Variants in SNX9 observed in about 807,000 individuals in gnomAD.
The protein encoded by SNX9 is sorting nexin 9.
A neutral mutation model predicts 89.4 loss-of-function variants in SNX9; 44 were observed. The ratio of observed to expected loss-of-function variants is 0.49; its 90% CI spans 0.39 to 0.63. The LOEUF (loss-of-function observed/expected upper bound fraction) is 0.63, where lower values mean the gene tolerates loss of function less well. SNX9 is among the 30% of genes least tolerant of loss of function. The pLI is 0.00. For missense variants in SNX9, 578 were observed against 736.1 expected (o/e 0.79, Z 2.49); for synonymous variants, 236 against 247.8 (o/e 0.95, Z 0.45).
intron 4 of SNX9, among the ~76,000 whole-genome samples, chr6:157,877,380 C>T (rs1055438438): frequency 3.3e-5 from 5 of 152,040 alleles, no homozygotes; most frequent in African/African-American, 4.8e-5. Flanking sequence ...AAAGCATAGC[C>T]GTCATTAATT....
At chr6:157,940,203 C>T (rs899286273) in intron 16 of SNX9, among the ~76,000 whole-genome samples, 4 of 152,196 alleles carry the variant, frequency 2.6e-5, no homozygotes, top group Admixed American at 2.0e-4. Context: ...GGGCAGGGAC[C>T]CCAGCTGCCT....
intron 4 of SNX9, among the ~76,000 whole-genome samples, chr6:157,878,265 G>T (rs1027274357): frequency 2.0e-5 from 3 of 152,192 alleles, no homozygotes; most frequent in African/African-American, 7.2e-5. Flanking sequence ...AGTTCAGCTT[G>T]GCTGCAGTTT....
At position 157,832,016 on chromosome 6, in the gene SNX9, T is replaced by C. The variant is rs191616485; in HGVS notation, c.12+8570T>C. Reference sequence around the variant, plus strand: ...TGTCAAACTGTGGGCATTTCAAAACTTTCCAATTGATATTTCTTTGTCATT... The same window carrying C: ...TGTCAAACTGTGGGCATTTCAAAACCTTCCAATTGATATTTCTTTGTCATT... On this transcript the variant is annotated intron_variant, in intron 1 of 17. Coordinates refer to ENST00000392185, the MANE Select transcript of SNX9 (RefSeq NM_016224.5). Among the ~76,000 whole-genome samples, 464 of 152,358 alleles carry C rather than the reference T, an allele frequency of 3.0e-3. 6 individuals carry two copies. Among genetic ancestry groups the C allele is most frequent in the Non-Finnish European group, 1.9e-3 (127 of 68,026 alleles).
intron 4 of SNX9, among the ~76,000 whole-genome samples, chr6:157,891,027 C>CTTTTTTTTTTT (rs67186551): frequency 8.7e-6 from 1 of 114,940 alleles, no homozygotes; most frequent in Non-Finnish European, 1.8e-5. Flanking sequence ...TTTTCTTTCT[C>CTTTTTTTTTTT]TTTTTTTTTT....
At chr6:157,885,715 C>G (rs928799645) in intron 4 of SNX9, among the ~76,000 whole-genome samples, 3 of 152,116 alleles carry the variant, frequency 2.0e-5, no homozygotes, top group African/African-American at 7.2e-5. Flanking sequence ...GATAGGCGGA[C>G]CCCTGAATGC....
intron 1 of SNX9, among the ~76,000 whole-genome samples, chr6:157,848,732 T>A (rs886550646): frequency 1.3e-5 from 2 of 152,168 alleles, no homozygotes; most frequent in Non-Finnish European, 2.9e-5. Flanking sequence ...GCTTACAGTT[T>A]AGAGAATGCA....
chr6:157,826,502 GAAAA>G (rs760974913), intron 1 of SNX9, among the ~76,000 whole-genome samples: 5 of 78,036 alleles, frequency 6.4e-5, no homozygotes, highest in Non-Finnish European at 1.1e-4. Flanking sequence ...TCCATCTCAA[GAAAA>G]AAAAAAAAAA....
chr6:157,938,852 TG>T lies in SNX9; in HGVS notation c.1648+106del, dbSNP rs1315328015. The T allele has an allele frequency of 4.0e-6, 3 of 745,742 alleles. No homozygotes were observed. The African/African-American group carries it at 5.3e-5, about 13-fold the overall frequency. 46.2% of individuals were successfully genotyped at this position (745,742 alleles called of 1,614,324 possible). A position where few individuals can be genotyped will look rare whatever the true frequency, so the allele number is the denominator to read the frequency against. On this transcript the variant is annotated intron_variant, in intron 16 of 17. Transcript: ENST00000392185. ...CAGATGTGAGCAGCAGTTAAGTAAG[TG>T]AGACCTTTTAAGCCCCTCGTTTGCA...
intron 4 of SNX9, among the ~76,000 whole-genome samples, chr6:157,880,368 CCTCT>C (rs1233578054): frequency 6.6e-6 from 1 of 152,170 alleles, no homozygotes; most frequent in East Asian, 1.9e-4. Context: ...TGTGTTCCAG[CCTCT>C]CTCACTATTC....
chr6:157,867,425 A>G (rs1216559036), intron 1 of SNX9, 122 bp from the exon 2 acceptor site: 4 of 706,496 alleles, frequency 5.7e-6, no homozygotes, highest in Non-Finnish European at 9.5e-6. Flanking sequence ...CTTTCTTCCA[A>G]AACAGCCACA....
intron 13 of SNX9, chr6:157,934,323 AG>A (rs1454027637): frequency 3.1e-4 from 47 of 152,214 alleles, no homozygotes; most frequent in African/African-American, 1.1e-3. Context: ...GGAGAGAGAG[AG>A]ATGGAAGGTA....
At chr6:157,932,802 G>A (rs1361521793) in intron 13 of SNX9, among the ~76,000 whole-genome samples, 3 of 149,752 alleles carry the variant, frequency 2.0e-5, no homozygotes, top group Admixed American at 6.7e-5. Flanking sequence ...GGGAGGCAGA[G>A]GTTGCACTGA....
chr6:157,835,910 A>C (rs1171250857), intron 1 of SNX9, among the ~76,000 whole-genome samples: 1 of 152,112 alleles, frequency 6.6e-6, no homozygotes, highest in African/African-American at 2.4e-5. Flanking sequence ...CCACAGGCAT[A>C]CACCACCATG....
intron 9 of SNX9, among the ~76,000 whole-genome samples, chr6:157,915,651 A>G (rs1273082206): frequency 7.6e-6 from 1 of 130,856 alleles, no homozygotes; most frequent in Non-Finnish European, 1.6e-5. Flanking sequence ...ATATATATAT[A>G]TATATACACA....
At chr6:157,942,270 A>T (rs1334974830) in intron 17 of SNX9, among the ~76,000 whole-genome samples, 1 of 152,236 alleles carries the variant, frequency 6.6e-6, no homozygotes, top group Non-Finnish European at 1.5e-5. Flanking sequence ...GATGTTTAGC[A>T]TCCAGGGATG....
chr6:157,909,945 TTGAC>T lies in SNX9; in HGVS notation c.872_875del (p.Asp291GlyfsTer44). 6.2e-7 allele frequency: 1 copy of T among 1,614,170 alleles called. No individual in the cohort carries two copies. Among genetic ancestry groups the T allele is most frequent in the Non-Finnish European group, 8.5e-7 (1 of 1,180,014 alleles). On this transcript the variant is annotated frameshift_variant, in exon 9 of 18. Coordinates refer to ENST00000392185, the MANE Select transcript of SNX9 (RefSeq NM_016224.5). LOFTEE classifies it high-confidence loss of function. ...TCTGTAAACCACAGGTATAAGCACT[TTGAC>T]TGGTTATATGAGCGTCTCCTGGTTA...
intron 4 of SNX9, among the ~76,000 whole-genome samples, chr6:157,888,392 A>G (rs1782780771): frequency 6.6e-6 from 1 of 152,218 alleles, no homozygotes; most frequent in African/African-American, 2.4e-5. Context: ...TAGAAAATAT[A>G]ATGCATTGAA....
At chr6:157,892,080 A>G (rs183782036) in intron 4 of SNX9, among the ~76,000 whole-genome samples, 99 of 152,204 alleles carry the variant, frequency 6.5e-4, no homozygotes, top group African/African-American at 2.3e-3. Context: ...GGGAAGAGAA[A>G]GAGGATGAAG....
At position 157,921,535 on chromosome 6, in the gene SNX9, C is replaced by T; in HGVS notation, c.954C>T (p.Arg318=). The T allele has an allele frequency of 4.3e-6, 7 of 1,612,760 alleles. No homozygotes were observed. The highest frequency in any genetic ancestry group is 4.2e-6 in the Non-Finnish European group (5 of 1,179,212). The change falls in exon 10 of 18, where the codon CGC becomes CGT. Residue 318 remains arginine (R), a synonymous_variant. Coordinates refer to ENST00000392185, the MANE Select transcript of SNX9 (RefSeq NM_016224.5). ...TTCTTGGTGTGTCGCTTGCAGGCCG[C>T]TTTGAAGAGGAATTTATCAAAATGC... ...PSLPDKQVTG[R]FEEEFIKMRM...
Sources: allele counts gnomAD v4.1 joint callset (sites outside exome capture counted in the v4.1 genomes callset), GRCh38; gene constraint gnomAD v4.1.1; transcripts MANE v1.5; gene names NCBI Gene and HGNC (gene_info 2026-07-23, HGNC 2026-07-21).